WASF1: variants seen among roughly 807,000 people sequenced by gnomAD.
WASF1 encodes the protein WASP family member 1.
WASF1 carries 7 observed loss-of-function variants against 50.5 expected under a neutral mutation model. That is an observed-to-expected ratio of 0.14 (90% confidence interval 0.08 to 0.26). WASF1 has a LOEUF of 0.26. Among genes scored for constraint, WASF1 ranks in the 10% least tolerant of loss-of-function variants. The pLI is 1.00. For missense variants in WASF1, 470 were observed against 694.7 expected, an observed-to-expected ratio of 0.68 and a Z score of 3.64; for synonymous variants, 205 against 244.0, an observed-to-expected ratio of 0.84 and a Z score of 1.49.
chr6:110,125,536 T>C (rs764287479), intron 4 of WASF1, among the ~76,000 whole-genome samples: 27 of 152,180 alleles, frequency 1.8e-4, no homozygotes, highest in Non-Finnish European at 3.4e-4. Context: ...GAGGGATCAA[T>C]TGGTTATTTT....
At chr6:110,168,680 C>T (rs1776574310) in intron 2 of WASF1, among the ~76,000 whole-genome samples, 1 of 152,048 alleles carries the variant, frequency 6.6e-6, no homozygotes, top group Non-Finnish European at 1.5e-5. Context: ...GAGTACTCCA[C>T]TGCCAGTACT....
At chr6:110,144,833 C>T (rs991578618) in intron 3 of WASF1, among the ~76,000 whole-genome samples, 37 of 152,144 alleles carry the variant, frequency 2.4e-4, no homozygotes, top group Non-Finnish European at 3.7e-4. Flanking sequence ...TGTTTTGGTA[C>T]CAGTACCATG....
intron 4 of WASF1, among the ~76,000 whole-genome samples, chr6:110,122,188 A>G (rs912188307): frequency 1.3e-5 from 2 of 150,124 alleles, no homozygotes; most frequent in African/African-American, 5.0e-5. Flanking sequence ...GTATCATAAT[A>G]AATAAGAAAG....
intron 3 of WASF1, among the ~76,000 whole-genome samples, chr6:110,144,872 T>C (rs1489121104): frequency 6.6e-6 from 1 of 152,186 alleles, no homozygotes; most frequent in African/African-American, 2.4e-5. Flanking sequence ...CCTTGTAGTG[T>C]AGTTTGAAGT....
At chr6:110,159,218 C>T (rs1776160714) in intron 3 of WASF1, among the ~76,000 whole-genome samples, 1 of 151,684 alleles carries the variant, frequency 6.6e-6, no homozygotes. Context: ...GATGCAAGCA[C>T]AGGAAAAGAA....
intron 4 of WASF1, among the ~76,000 whole-genome samples, chr6:110,123,120 C>T (rs1400333314): frequency 6.6e-6 from 1 of 152,068 alleles, no homozygotes; most frequent in Non-Finnish European, 1.5e-5. Context: ...AATAATATGC[C>T]TGTCAATCTG....
intron 8 of WASF1, among the ~76,000 whole-genome samples, chr6:110,104,380 GTA>G (rs1267213652): frequency 6.6e-6 from 1 of 152,076 alleles, no homozygotes; most frequent in Non-Finnish European, 1.5e-5. Flanking sequence ...CAGATAAATA[GTA>G]TCTCTCAGAT....
intron 2 of WASF1, among the ~76,000 whole-genome samples, chr6:110,162,318 A>G (rs1420857417): frequency 6.6e-6 from 1 of 151,296 alleles, no homozygotes; most frequent in Non-Finnish European, 1.5e-5. Context: ...CAAGCAAGAT[A>G]TAAATTAAGA....
rs1195030411 is a variant in WASF1, at chr6:110,102,150, C to G, written c.960G>C (p.Val320=). Residue 320 remains valine (V), a synonymous_variant, in exon 10 of 11, where the codon GTG becomes GTC. Transcript: ENST00000392589. The part of the protein sequence containing the change: ...SPATGRTPVF[V]SPTPPPPPPP... ...GTGGAGGAGGTGGGGGAGTGGGGCTCACAAACACAGGTGTTCTGCCTGTAG... is the reference window on the plus strand; with the variant it reads ...GTGGAGGAGGTGGGGGAGTGGGGCTGACAAACACAGGTGTTCTGCCTGTAG... 1 of 1,478,368 alleles carries G rather than the reference C, an allele frequency of 6.8e-7. No individual in the cohort carries two copies. The highest frequency in any genetic ancestry group is 9.0e-7 in the Non-Finnish European group (1 of 1,114,380). The allele number at this position is 1,478,368 out of a possible 1,614,324, so 91.6% of individuals were successfully genotyped here. A position where few individuals can be genotyped will look rare whatever the true frequency, so the allele number is the denominator to read the frequency against.
At chr6:110,158,481 A>C (rs1346304155) in intron 3 of WASF1, among the ~76,000 whole-genome samples, 1 of 130,742 alleles carries the variant, frequency 7.6e-6, no homozygotes, top group East Asian at 2.5e-4. Flanking sequence ...CGGTCTATCA[A>C]TTTTGTTGAT....
intron 2 of WASF1, among the ~76,000 whole-genome samples, chr6:110,163,963 G>C (rs752665963): frequency 3.3e-5 from 5 of 151,710 alleles, no homozygotes; most frequent in Middle Eastern, 3.4e-3. Flanking sequence ...AATGAGAAAA[G>C]ATAGTCTTTT....
chr6:110,128,495 T>C (rs1025711392), intron 3 of WASF1, among the ~76,000 whole-genome samples: 1 of 152,186 alleles, frequency 6.6e-6, no homozygotes, highest in African/African-American at 2.4e-5. Flanking sequence ...TGAAATCTCA[T>C]TGGAATCTAC....
intron 3 of WASF1, among the ~76,000 whole-genome samples, chr6:110,144,337 G>C (rs1388262377): frequency 6.6e-6 from 1 of 151,964 alleles, no homozygotes; most frequent in Admixed American, 6.6e-5. Context: ...AAATTTGTTG[G>C]AGTTCATTGT....
At chr6:110,145,368 A>G (rs1388027739) in intron 3 of WASF1, among the ~76,000 whole-genome samples, 1 of 152,176 alleles carries the variant, frequency 6.6e-6, no homozygotes, top group African/African-American at 2.4e-5. Context: ...GGCTGAGACA[A>G]TGGGGTTTTC....
intron 4 of WASF1, among the ~76,000 whole-genome samples, chr6:110,117,260 C>T (rs1156356080): frequency 6.6e-6 from 1 of 151,988 alleles, no homozygotes; most frequent in African/African-American, 2.4e-5. Flanking sequence ...AAGCTAAAAA[C>T]CTTGAAAAAA....
intron 5 of WASF1, among the ~76,000 whole-genome samples, chr6:110,112,065 T>C (rs1773581552): frequency 6.6e-6 from 1 of 151,262 alleles, no homozygotes; most frequent in Admixed American, 6.6e-5. Flanking sequence ...CCTCTCCTTA[T>C]TTACACATTG....
At position 110,100,458 on chromosome 6, in the gene WASF1, C is replaced by A; in HGVS notation, c.*64G>T. The A allele has an allele frequency of 7.0e-7, 1 of 1,430,648 alleles. No homozygotes were observed. The highest frequency in any genetic ancestry group is 9.3e-7 in the Non-Finnish European group (1 of 1,072,138). 88.6% of individuals were successfully genotyped at this position (1,430,648 alleles called of 1,614,324 possible). A position where few individuals can be genotyped will look rare whatever the true frequency, so the allele number is the denominator to read the frequency against. On this transcript the variant is annotated 3_prime_UTR_variant, in exon 11 of 11. Transcript: ENST00000392589. ...AAACACTAGAATGACCAAACATTTT[C>A]AAGGAACAAGCACCACAAAGGACAT...
At chr6:110,177,017 A>T (rs1776958433) in intron 2 of WASF1, 1 of 152,062 alleles carries the variant, frequency 6.6e-6, no homozygotes, top group Admixed American at 6.5e-5. Flanking sequence ...AACACTTGGA[A>T]AAGATATCTT....
chr6:110,115,237 T>C (rs1426444118), intron 4 of WASF1, among the ~76,000 whole-genome samples: 3 of 150,684 alleles, frequency 2.0e-5, no homozygotes, highest in African/African-American at 7.3e-5. Context: ...ACAGAGGACA[T>C]TTATTAGTAA....
Sources: gnomAD v4.1 joint callset for allele counts (sites outside exome capture counted in the v4.1 genomes callset) on GRCh38, gnomAD v4.1.1 for gene constraint, MANE v1.5 for transcripts, NCBI Gene and HGNC (gene_info 2026-07-23, HGNC 2026-07-21) for gene names.